RYR3: variants seen among roughly 807,000 people sequenced by gnomAD.
RYR3 encodes the protein brain ryanodine receptor-calcium release channel.
RYR3 carries 207 observed loss-of-function variants against 584.3 expected under a neutral mutation model. The ratio of observed to expected loss-of-function variants is 0.35; its 90% CI spans 0.32 to 0.40. The LOEUF (loss-of-function observed/expected upper bound fraction) is 0.40, where lower values mean the gene tolerates loss of function less well. Ranked by LOEUF, RYR3 falls within the 10% of genes least tolerant of loss-of-function variation. The probability of loss-of-function intolerance (pLI) is 1.00; values close to 1 mark genes in which losing one functional copy is unlikely to be tolerated. For missense variants in RYR3, 5,616 were observed against 6,089.2 expected (o/e 0.92, Z 2.59); for synonymous variants, 2,416 against 2,248.5 (o/e 1.07, Z -2.11).
At chr15:33,624,685 T>G (rs1278320391) in intron 20 of RYR3, among the ~76,000 whole-genome samples, 1 of 152,224 alleles carries the variant, frequency 6.6e-6, no homozygotes, top group Non-Finnish European at 1.5e-5. Flanking sequence ...GGATATTTTC[T>G]TTCCCCTCCA....
rs1374246817 is a variant in RYR3, at chr15:33,616,605, G to A, written c.2357+3230G>A. Among the ~76,000 whole-genome samples, 6 of 152,180 alleles carry A rather than the reference G, an allele frequency of 3.9e-5. No individual in the cohort carries two copies. In the East Asian group the frequency reaches 9.7e-4, roughly 24 times the overall value. On this transcript the variant is annotated intron_variant, in intron 19 of 103. Transcript: ENST00000634891. The stretch of plus-strand genomic sequence containing the variant: ...AACTGCTGAGGAAATTTAAGAAACC[G>A]AAGGGTCCAGATGTGTTGACTTGAA...
intron 42 of RYR3, 38 bp downstream of exon 42, chr15:33,701,118 C>T (rs767869128): frequency 2.1e-5 from 30 of 1,408,636 alleles, no homozygotes; most frequent in Admixed American, 3.5e-5. Flanking sequence ...GTGTTCTCTT[C>T]GGCCTGTAGT....
chr15:33,627,526 A>G (rs2061055279), intron 20 of RYR3, among the ~76,000 whole-genome samples: 1 of 152,146 alleles, frequency 6.6e-6, no homozygotes, highest in Non-Finnish European at 1.5e-5. Flanking sequence ...GGTGGGGAGT[A>G]TTAATAAGGG....
At chr15:33,864,253 G>C (rs370236091) in intron 103 of RYR3, 64 bp downstream of exon 103, 6 of 1,281,630 alleles carry the variant, frequency 4.7e-6, no homozygotes, top group Non-Finnish European at 5.5e-6. Context: ...AGACTTAGTA[G>C]GGCATAGGTT....
chr15:33,801,220 A>C (rs543801545), intron 68 of RYR3, among the ~76,000 whole-genome samples: 150 of 152,354 alleles, frequency 9.8e-4, no homozygotes, highest in African/African-American at 3.6e-3. Context: ...GTCAATCAGA[A>C]AGAGTTATTA....
intron 48 of RYR3, among the ~76,000 whole-genome samples, chr15:33,734,067 C>G (rs1351086052): frequency 6.6e-6 from 1 of 152,108 alleles, no homozygotes; most frequent in Non-Finnish European, 1.5e-5. Flanking sequence ...CTTTATGGAA[C>G]AAGCTGTGTC....
intron 1 of RYR3, among the ~76,000 whole-genome samples, chr15:33,432,667 ATTGTGTGTGTGTGT>A (rs1338943948): frequency 1.3e-5 from 1 of 75,110 alleles, no homozygotes; most frequent in Non-Finnish European, 2.4e-5. Context: ...CGCCTAGCTA[ATTGTGTGTGTGTGT>A]GTGTGTGTGT....
At chr15:33,359,647 C>CTT (rs1333557490) in intron 1 of RYR3, among the ~76,000 whole-genome samples, 3 of 150,276 alleles carry the variant, frequency 2.0e-5, no homozygotes, top group African/African-American at 7.3e-5. Flanking sequence ...CAGACGGAGT[C>CTT]GCACTCTGTC....
At chr15:33,430,442 G>A (rs2045040991) in intron 1 of RYR3, among the ~76,000 whole-genome samples, 2 of 152,220 alleles carry the variant, frequency 1.3e-5, no homozygotes, top group South Asian at 2.1e-4. Context: ...TTTGCAATTG[G>A]TTGAGGAGGG....
intron 70 of RYR3, 200 bp downstream of exon 70, chr15:33,807,769 G>A (rs28599598): frequency 0.011 from 6,476 of 602,646 alleles, 314 homozygotes; most frequent in African/African-American, 0.11. Context: ...TGGGGAAGCC[G>A]GGGAAGCCAG....
intron 42 of RYR3, among the ~76,000 whole-genome samples, chr15:33,702,635 T>A (rs6495216): frequency 0.78 from 119,182 of 151,936 alleles, 46,830 homozygotes; most frequent in South Asian, 0.9. Context: ...CCTGGCAGTA[T>A]ATCTCAGGAG....
rs148971342 is a variant in RYR3, at chr15:33,654,641, C to CT, written c.4308+1760dup. Reference sequence around the variant, plus strand: ...TCTGTGGACAACATCGCATAGGGCTCTTATGGTTATTGGTAAGAAATTTGT... The same window carrying CT: ...TCTGTGGACAACATCGCATAGGGCTCTTTATGGTTATTGGTAAGAAATTTGT... On this transcript the variant is annotated intron_variant, in intron 32 of 103. Coordinates refer to ENST00000634891, the MANE Select transcript of RYR3 (RefSeq NM_001036.6). Among the ~76,000 whole-genome samples, 980 of 152,074 alleles carry CT rather than the reference C, an allele frequency of 6.4e-3. 7 individuals carry two copies. Among genetic ancestry groups the CT allele is most frequent in the African/African-American group, 0.023 (944 of 41,464 alleles).
chr15:33,483,433 C>G (rs1033534875), intron 2 of RYR3, among the ~76,000 whole-genome samples: 3 of 151,982 alleles, frequency 2.0e-5, no homozygotes, highest in African/African-American at 7.3e-5. Flanking sequence ...GTTGTCTGCC[C>G]CCTGAGGAAT....
rs3084420 is a variant in RYR3 at position 33,471,594 on chromosome 15, TAAA to T, written c.52-1809_52-1807del. On this transcript the variant is annotated intron_variant, in intron 1 of 103. Coordinates refer to ENST00000634891, the MANE Select transcript of RYR3 (RefSeq NM_001036.6). Reference sequence around the variant, plus strand: ...AAAACTGTCAACTTTCATGCCTTTGTAAAAAAAAAAAAAAAAAATCCATAATTA... The same window carrying T: ...AAAACTGTCAACTTTCATGCCTTTGTAAAAAAAAAAAAAAATCCATAATTA... Among the ~76,000 whole-genome samples the T allele has an allele frequency of 4.1e-3, 587 of 142,092 alleles. 2 individuals are homozygous for T. The highest frequency in any genetic ancestry group is 7.5e-3 in the African/African-American group (285 of 38,004). 93.2% of individuals were successfully genotyped at this position (142,092 alleles called of 152,430 possible).
chr15:33,320,005 C>T (rs932757437), intron 1 of RYR3, among the ~76,000 whole-genome samples: 8 of 152,220 alleles, frequency 5.3e-5, no homozygotes, highest in East Asian at 3.9e-4. Context: ...CAAATAGAGG[C>T]GGGCCTGATC....
At chr15:33,342,048 A>G (rs1163375783) in intron 1 of RYR3, among the ~76,000 whole-genome samples, 1 of 152,188 alleles carries the variant, frequency 6.6e-6, no homozygotes, top group African/African-American at 2.4e-5. Flanking sequence ...CGAGAAACGA[A>G]TGATGCAGCA....
chr15:33,673,092 A>G (rs901198548), intron 38 of RYR3, among the ~76,000 whole-genome samples: 1 of 152,230 alleles, frequency 6.6e-6, no homozygotes, highest in Admixed American at 6.5e-5. Context: ...ACCATGAGCT[A>G]CAAACACATT....
chr15:33,563,714 T>C (rs78959515), intron 11 of RYR3, among the ~76,000 whole-genome samples: 10,812 of 152,254 alleles, frequency 0.071, 487 homozygotes, highest in Non-Finnish European at 0.085. Context: ...CTGTGCTCTG[T>C]AGTTGAGGTA....
At chr15:33,660,469 T>TGAGGCAGAGCC in intron 34 of RYR3, 46 bp downstream of exon 34, 1 of 1,375,488 alleles carries the variant, frequency 7.3e-7, no homozygotes, top group Non-Finnish European at 9.9e-7. Flanking sequence ...GAGGGGCAGG[T>TGAGGCAGAGCC]GAGGCAGAGC....
Sources: allele counts gnomAD v4.1 joint callset (sites outside exome capture counted in the v4.1 genomes callset), GRCh38; gene constraint gnomAD v4.1.1; transcripts MANE v1.5; gene names NCBI Gene and HGNC (gene_info 2026-07-23, HGNC 2026-07-21).